LRRC8B: variants seen among roughly 807,000 people sequenced by gnomAD.
The protein encoded by LRRC8B is volume-regulated anion channel subunit LRRC8B.
Under a neutral mutation model 58.8 loss-of-function variants are expected in LRRC8B, and 23 were observed. The ratio of observed to expected loss-of-function variants is 0.39; its 90% CI spans 0.28 to 0.55. The LOEUF (loss-of-function observed/expected upper bound fraction) is 0.55, where lower values mean the gene tolerates loss of function less well. Among genes scored for constraint, LRRC8B ranks in the 20% least tolerant of loss-of-function variants. The probability of loss-of-function intolerance (pLI) is 0.62; values close to 1 mark genes in which losing one functional copy is unlikely to be tolerated. For missense variants in LRRC8B, 694 were observed against 936.0 expected, an observed-to-expected ratio of 0.74 and a Z score of 3.37; for synonymous variants, 359 against 374.1, an observed-to-expected ratio of 0.96 and a Z score of 0.47.
At chr1:89,585,161 A>G (rs1654534424) in intron 5 of LRRC8B, among the ~76,000 whole-genome samples, 1 of 152,198 alleles carries the variant, frequency 6.6e-6, no homozygotes, top group Non-Finnish European at 1.5e-5. Flanking sequence ...GAGTTTGGCA[A>G]AACTTTTCAG....
chr1:89,525,468 GC>G (rs1227489994), intron 1 of LRRC8B, among the ~76,000 whole-genome samples: 2 of 152,360 alleles, frequency 1.3e-5, no homozygotes, highest in East Asian at 1.9e-4. Flanking sequence ...GCTCTGTTTT[GC>G]CCCCTGCGCT....
intron 1 of LRRC8B, among the ~76,000 whole-genome samples, chr1:89,529,204 A>G (rs867164336): frequency 2.6e-5 from 4 of 152,190 alleles, no homozygotes; most frequent in Non-Finnish European, 5.9e-5. Flanking sequence ...TCCTGTTTAT[A>G]TTCCTCCTTA....
intron 1 of LRRC8B, among the ~76,000 whole-genome samples, chr1:89,554,358 T>C (rs1379950829): frequency 6.6e-6 from 1 of 152,218 alleles, no homozygotes; most frequent in Non-Finnish European, 1.5e-5. Context: ...TCTTTCTTGG[T>C]CCAACTCATA....
At chr1:89,567,303 T>C (rs974556105) in intron 1 of LRRC8B, among the ~76,000 whole-genome samples, 22 of 152,346 alleles carry the variant, frequency 1.4e-4, no homozygotes, top group South Asian at 2.1e-4. Flanking sequence ...TTGGTTTGAA[T>C]GATTTGGTTT....
intron 1 of LRRC8B, among the ~76,000 whole-genome samples, chr1:89,550,138 G>T (rs1651693928): frequency 3.3e-5 from 5 of 152,136 alleles, no homozygotes; most frequent in Admixed American, 3.3e-4. Context: ...TAGAGTCTAT[G>T]CCCATAAGCT....
Position 89,596,136 on chromosome 1 carries a change from G to A in LRRC8B, c.*3093G>A, listed in dbSNP as rs1310770846. ...TTTTTTAATTCATTAATCATGAAGT[G>A]CTCTGTTCCCTAAGTTATGACATTT... On this transcript the variant is annotated 3_prime_UTR_variant, in exon 6 of 6. Transcript: ENST00000330947. 1 of 151,874 alleles carries A rather than the reference G, an allele frequency of 6.6e-6. No homozygotes were observed. Among genetic ancestry groups the A allele is most frequent in the Non-Finnish European group, 1.5e-5 (1 of 67,942 alleles). The allele number at this position is 151,874 out of a possible 1,614,324, so 9.4% of individuals were successfully genotyped here.
Position 89,592,779 on chromosome 1 carries a change from G to A in LRRC8B, c.2148G>A (p.Met716Ile). Residue 716 changes from methionine to isoleucine, a missense_variant, in exon 6 of 6, where the codon ATG becomes ATA. Coordinates refer to ENST00000330947, the MANE Select transcript of LRRC8B (RefSeq NM_001369817.2). ...YFAVTNNNIE[M>I]LPDGLFQCKK... ...TTTTCTTCCCTTTCCAGATTGAGAT[G>A]CTACCAGATGGGCTGTTTCAGTGCA... 3.1e-6 allele frequency: 5 copies of A among 1,610,978 alleles called. No individual in the cohort carries two copies. Among genetic ancestry groups the A allele is most frequent in the Non-Finnish European group, 4.2e-6 (5 of 1,178,944 alleles).
intron 1 of LRRC8B, among the ~76,000 whole-genome samples, chr1:89,532,037 C>G (rs957439748): frequency 6.6e-6 from 1 of 152,112 alleles, no homozygotes; most frequent in African/African-American, 2.4e-5. Context: ...AAGCTCCTTC[C>G]TACCTTAGGG....
At chr1:89,542,959 C>A (rs1206862889) in intron 1 of LRRC8B, among the ~76,000 whole-genome samples, 7 of 152,158 alleles carry the variant, frequency 4.6e-5, no homozygotes. Flanking sequence ...GTTGTCAGTT[C>A]AGTTAACTAG....
intron 3 of LRRC8B, among the ~76,000 whole-genome samples, chr1:89,569,479 T>C (rs1653283556): frequency 6.6e-6 from 1 of 152,106 alleles, no homozygotes; most frequent in African/African-American, 2.4e-5. Context: ...CTTTCTGCTT[T>C]TGGAGTCCCC....
intron 1 of LRRC8B, among the ~76,000 whole-genome samples, chr1:89,559,196 G>A (rs1652421157): frequency 1.3e-5 from 2 of 152,096 alleles, no homozygotes; most frequent in South Asian, 4.1e-4. Flanking sequence ...AGAGGTGGCG[G>A]ATGAAACCTT....
intron 1 of LRRC8B, among the ~76,000 whole-genome samples, chr1:89,548,569 C>A (rs750418254): frequency 6.6e-6 from 1 of 152,038 alleles, no homozygotes; most frequent in Non-Finnish European, 1.5e-5. Context: ...CTTAAGGTAA[C>A]GACAAAAAAA....
At chr1:89,576,781 T>C (rs1453057459) in intron 3 of LRRC8B, among the ~76,000 whole-genome samples, 1 of 152,208 alleles carries the variant, frequency 6.6e-6, no homozygotes, top group Non-Finnish European at 1.5e-5. Flanking sequence ...TGAAAATCAC[T>C]GTACTAACAA....
intron 1 of LRRC8B, among the ~76,000 whole-genome samples, chr1:89,534,946 G>A (rs1396824512): frequency 6.6e-6 from 1 of 152,074 alleles, no homozygotes; most frequent in Non-Finnish European, 1.5e-5. Flanking sequence ...GTCAGTATCT[G>A]TAATCCTATG....
chr1:89,593,153 T>C lies in LRRC8B; in HGVS notation c.*110T>C, dbSNP rs536604876. ...ACTTTGGGAGGCCAAGATGGGCGGA[T>C]TGCTTGAGGTCAGGAGTTCGAGACC... On this transcript the variant is annotated 3_prime_UTR_variant, in exon 6 of 6. Transcript: ENST00000330947. The C allele has an allele frequency of 6.5e-5, 71 of 1,091,566 alleles. No individual in the cohort carries two copies. In the South Asian group the frequency reaches 9.2e-4, roughly 14 times the overall value. 67.6% of individuals were successfully genotyped at this position (1,091,566 alleles called of 1,614,324 possible).
intron 1 of LRRC8B, among the ~76,000 whole-genome samples, chr1:89,535,303 T>C (rs1455576109): frequency 6.6e-6 from 1 of 152,112 alleles, no homozygotes; most frequent in Non-Finnish European, 1.5e-5. Flanking sequence ...AACTGTTAGG[T>C]CCCTAATAGG....
At chr1:89,537,312 G>T (rs986036284) in intron 1 of LRRC8B, among the ~76,000 whole-genome samples, 1 of 152,094 alleles carries the variant, frequency 6.6e-6, no homozygotes, top group African/African-American at 2.4e-5. Context: ...TGATTATTTT[G>T]TGTATGCATT....
chr1:89,585,426 A>G (rs1654550133), intron 5 of LRRC8B, among the ~76,000 whole-genome samples: 2 of 152,206 alleles, frequency 1.3e-5, no homozygotes, highest in African/African-American at 4.8e-5. Context: ...TAACTTTACC[A>G]AACCATGAAA....
Position 89,583,325 on chromosome 1 carries a change from C to G in LRRC8B, c.675C>G (p.Val225=), listed in dbSNP as rs370354886. 8.7e-6 allele frequency: 14 copies of G among 1,614,006 alleles called. No homozygotes were observed. The highest frequency in any genetic ancestry group is 1.1e-5 in the Non-Finnish European group (13 of 1,180,038). ...GCATAGAAAGCCCAACTTCCAGTGT[C>G]CTGGACAAGAAGGAGGGTGAACAGG... The part of the protein sequence containing the change: ...SAGIESPTSS[V]LDKKEGEQAK... Residue 225 remains valine, a synonymous_variant, in exon 5 of 6, where the codon GTC becomes GTG. Transcript: ENST00000330947. This position sits in a 1 kb window ranked among gnomAD's most constrained non-coding sequence, Gnocchi z 5.2.
Sources: allele counts gnomAD v4.1 joint callset (sites outside exome capture counted in the v4.1 genomes callset), GRCh38; gene constraint gnomAD v4.1.1; non-coding constraint Gnocchi (gnomAD v3.1); transcripts MANE v1.5; gene names NCBI Gene and HGNC (gene_info 2026-07-23, HGNC 2026-07-21).